Variants in SND1 observed in about 807,000 individuals in gnomAD.
SND1 encodes staphylococcal nuclease and tudor domain containing 1.
Under a neutral mutation model 121.7 loss-of-function variants are expected in SND1, and 38 were observed. The ratio of observed to expected loss-of-function variants is 0.31; its 90% CI spans 0.24 to 0.41. The LOEUF is 0.41. Among genes scored for constraint, SND1 ranks in the 10% least tolerant of loss-of-function variants. SND1 has a pLI of 1.00. For synonymous variants in SND1, 401 were observed against 447.4 expected (o/e 0.90, Z 1.31); for missense variants, 868 against 1,184.6 (o/e 0.73, Z 3.92).
chr7:127,746,744 G>A (rs555696816), intron 10 of SND1, among the ~76,000 whole-genome samples: 2 of 152,240 alleles, frequency 1.3e-5, no homozygotes, highest in African/African-American at 2.4e-5. Context: ...GAAAACTGAT[G>A]TCTGGCCTTT....
Position 127,912,391 on chromosome 7 carries a change from G to T in SND1, c.1527+7572G>T, listed in dbSNP as rs1271279080. Among the ~76,000 whole-genome samples the T allele has an allele frequency of 2.0e-5, 3 of 152,042 alleles. No individual in the cohort carries two copies. In the East Asian group the frequency reaches 5.8e-4, roughly 29 times the overall value. On this transcript the variant is annotated intron_variant, in intron 14 of 23. Coordinates refer to ENST00000354725, the MANE Select transcript of SND1 (RefSeq NM_014390.4). The stretch of plus-strand genomic sequence containing the variant: ...TGGAGGGCACCCAATTTAGGACATG[G>T]TTTCTCACTTCTCTTATTTAGCTTC...
At chr7:127,653,335 C>T (rs1269769686) in intron 1 of SND1, among the ~76,000 whole-genome samples, 2 of 152,174 alleles carry the variant, frequency 1.3e-5, no homozygotes, top group Non-Finnish European at 2.9e-5. Context: ...CCCCAAAACC[C>T]TTCCAAATCT....
chr7:127,696,327 T>A (rs1006457053), intron 3 of SND1, among the ~76,000 whole-genome samples: 2 of 152,218 alleles, frequency 1.3e-5, no homozygotes, highest in Non-Finnish European at 2.9e-5. Context: ...TACCTCTTTT[T>A]AGTCTCCCAG....
chr7:127,740,277 G>C (rs560131285), intron 10 of SND1, among the ~76,000 whole-genome samples: 1 of 152,136 alleles, frequency 6.6e-6, no homozygotes, highest in Non-Finnish European at 1.5e-5. Context: ...AATGGATAAG[G>C]TTTGTAAAAA....
chr7:127,981,479 C>T (rs1353028599), intron 15 of SND1, among the ~76,000 whole-genome samples: 1 of 152,116 alleles, frequency 6.6e-6, no homozygotes, highest in Non-Finnish European at 1.5e-5. Context: ...TTACAGCCTG[C>T]TCTTGGGATG....
chr7:128,035,802 T>C (rs1486725614), intron 16 of SND1, among the ~76,000 whole-genome samples: 1 of 152,186 alleles, frequency 6.6e-6, no homozygotes, highest in Non-Finnish European at 1.5e-5. Flanking sequence ...AATGGTCATC[T>C]AGAGGACCCA....
At chr7:127,975,797 C>T (rs536613735) in intron 15 of SND1, among the ~76,000 whole-genome samples, 1 of 152,298 alleles carries the variant, frequency 6.6e-6, no homozygotes, top group South Asian at 2.1e-4. Flanking sequence ...TGCGCTGTAG[C>T]GCCGAGCACG....
chr7:127,850,991 G>GC, intron 12 of SND1, among the ~76,000 whole-genome samples: 1 of 152,180 alleles, frequency 6.6e-6, no homozygotes, highest in Non-Finnish European at 1.5e-5. Context: ...TTGAGTTTCA[G>GC]ACAAATCTGT....
chr7:127,918,081 T>C (rs1181757602), intron 14 of SND1, among the ~76,000 whole-genome samples: 1 of 151,834 alleles, frequency 6.6e-6, no homozygotes, highest in African/African-American at 2.4e-5. Flanking sequence ...TTTTCTTTTT[T>C]AGACAGAGTC....
In SND1 at chr7:128,074,519, G is replaced by C; in HGVS notation, c.1797G>C (p.Glu599Asp). The change falls in exon 17 of 24, where the codon GAG (glutamate) becomes GAC (aspartate). Residue 599 changes from glutamate to aspartate, a missense_variant. Glu to Asp is a conservative substitution (Grantham distance 45). Coordinates refer to ENST00000354725, the MANE Select transcript of SND1 (RefSeq NM_014390.4). ...TGTCCCAGGTGGAGGTGGAGGTGGA[G>C]AGCATGGACAAGGCCGGCAACTTTA... is the stretch of plus-strand genomic sequence containing the variant. ...VLQREVEVEV[E>D]SMDKAGNFIG... The C allele has an allele frequency of 6.2e-7, 1 of 1,612,662 alleles. No individual in the cohort carries two copies. The highest frequency in any genetic ancestry group is 8.5e-7 in the Non-Finnish European group (1 of 1,179,066).
intron 1 of SND1, among the ~76,000 whole-genome samples, chr7:127,672,694 G>T (rs552716536): frequency 1.3e-5 from 2 of 151,944 alleles, no homozygotes; most frequent in Admixed American, 1.3e-4. Flanking sequence ...GATTTTGCCA[G>T]TTGCCCCAGG....
At chr7:128,071,464 CAG>C (rs1472826932) in intron 16 of SND1, among the ~76,000 whole-genome samples, 1 of 152,120 alleles carries the variant, frequency 6.6e-6, no homozygotes, top group African/African-American at 2.4e-5. Flanking sequence ...GAGAAGATGT[CAG>C]AGAAATTTGA....
chr7:128,042,530 ATTC>A (rs1792874187), intron 16 of SND1: 1 of 152,370 alleles, frequency 6.6e-6, no homozygotes, highest in Non-Finnish European at 1.5e-5. Context: ...GGATGTCGTC[ATTC>A]TTCTCAGATC....
At chr7:127,687,687 A>AT (rs1262839803) in intron 2 of SND1, among the ~76,000 whole-genome samples, 2 of 151,376 alleles carry the variant, frequency 1.3e-5, no homozygotes, top group African/African-American at 2.4e-5. Context: ...TTTATTACTG[A>AT]TTTTTTTTGT....
intron 12 of SND1, among the ~76,000 whole-genome samples, chr7:127,886,027 G>C (rs1799899689): frequency 6.6e-6 from 1 of 152,018 alleles, no homozygotes; most frequent in Admixed American, 6.6e-5. Flanking sequence ...TACATCTGCT[G>C]ATTTGAGGCT....
chr7:127,886,619 C>A (rs1006553647), intron 12 of SND1, among the ~76,000 whole-genome samples: 3 of 152,074 alleles, frequency 2.0e-5, no homozygotes, highest in African/African-American at 7.2e-5. Context: ...TATCATGCTT[C>A]TTGTTTTCCA....
chr7:127,908,452 A>G (rs543828837), intron 14 of SND1, among the ~76,000 whole-genome samples: 9 of 152,090 alleles, frequency 5.9e-5, no homozygotes, highest in African/African-American at 2.2e-4. Context: ...GGTACCTTAG[A>G]TCCTGAAGAA....
intron 10 of SND1, among the ~76,000 whole-genome samples, chr7:127,750,118 A>T (rs1410497473): frequency 6.6e-6 from 1 of 152,176 alleles, no homozygotes; most frequent in Admixed American, 6.5e-5. Flanking sequence ...AATCAAACAA[A>T]CAAAAAAACG....
chr7:127,750,690 T>C (rs192449061), intron 10 of SND1, among the ~76,000 whole-genome samples: 87 of 152,262 alleles, frequency 5.7e-4, no homozygotes, highest in African/African-American at 2.0e-3. Context: ...ATTTCCTTCG[T>C]GTGTCATGTC....
Sources: allele counts gnomAD v4.1 joint callset (sites outside exome capture counted in the v4.1 genomes callset), GRCh38; gene constraint gnomAD v4.1.1; transcripts MANE v1.5; gene names NCBI Gene and HGNC (gene_info 2026-07-23, HGNC 2026-07-21).